The following EPC2 variants were observed in gnomAD, a reference collection of about 807,000 sequenced individuals.
EPC2 encodes enhancer of polycomb 2.
EPC2 carries 14 observed loss-of-function variants against 92.1 expected under a neutral mutation model. That is an observed-to-expected ratio of 0.15 (90% CI 0.10 to 0.24). EPC2 has a LOEUF of 0.24. Ranked by LOEUF, EPC2 falls within the 10% of genes least tolerant of loss-of-function variation. EPC2 has a pLI of 1.00. For synonymous variants in EPC2, 340 were observed against 334.7 expected, an observed-to-expected ratio of 1.02 and a Z score of -0.17; for missense variants, 755 against 971.5, an observed-to-expected ratio of 0.78 and a Z score of 2.96.
At chr2:148,684,463 G>C (rs920210270) in intron 1 of EPC2, among the ~76,000 whole-genome samples, 25 of 152,178 alleles carry the variant, frequency 1.6e-4, no homozygotes, top group Non-Finnish European at 2.6e-4. Flanking sequence ...TTATGTTCTA[G>C]AATTTTTATG....
intron 10 of EPC2, among the ~76,000 whole-genome samples, chr2:148,779,239 G>A (rs1018583329): frequency 6.6e-6 from 1 of 152,096 alleles, no homozygotes; most frequent in Non-Finnish European, 1.5e-5. Flanking sequence ...GCAATATTTT[G>A]TTATCTATGG....
intron 1 of EPC2, among the ~76,000 whole-genome samples, chr2:148,684,491 T>A (rs1681473213): frequency 6.6e-6 from 1 of 152,236 alleles, no homozygotes; most frequent in South Asian, 2.1e-4. Flanking sequence ...GTCAGTTGAT[T>A]TTTGTATAAG....
At chr2:148,783,860 C>G (rs1409988326) in intron 12 of EPC2, 104 bp downstream of exon 12, 11 of 1,098,660 alleles carry the variant, frequency 1.0e-5, no homozygotes, top group Non-Finnish European at 1.4e-5. Flanking sequence ...GTGTATAAGT[C>G]AATCAGGACT....
rs1189476747 is a variant in EPC2 at position 148,762,530 on chromosome 2, G to C, written c.816-140G>C. 1.1e-5 allele frequency: 7 copies of C among 648,826 alleles called. 1 individual carries two copies. In the South Asian group the frequency reaches 1.8e-4, roughly 16 times the overall value. 40.2% of individuals were successfully genotyped at this position (648,826 alleles called of 1,614,324 possible). A position where few individuals can be genotyped will look rare whatever the true frequency, so the allele number is the denominator to read the frequency against. ...ACCAAATCCCTGTTTCTTTATTCCTGCAAATTTTATCTTTTAAAAGTAATT... is the reference window on the plus strand; with the variant it reads ...ACCAAATCCCTGTTTCTTTATTCCTCCAAATTTTATCTTTTAAAAGTAATT... On this transcript the variant is annotated intron_variant, in intron 5 of 13. Transcript: ENST00000258484.
In EPC2 at chr2:148,737,687, TA is replaced by T. The variant is rs201391863; in HGVS notation, c.314-5933del. Among the ~76,000 whole-genome samples, 119 of 151,982 alleles carry T rather than the reference TA, an allele frequency of 7.8e-4. 1 individual carries two copies. The East Asian group carries it at 0.02, about 26-fold the overall frequency. On this transcript the variant is annotated intron_variant, in intron 2 of 13. Coordinates refer to ENST00000258484, the MANE Select transcript of EPC2 (RefSeq NM_015630.4). Reference sequence around the variant, plus strand: ...TAGCTACACTGAATGAGGGAAAGAGTAACTGTTGATTTCAGCTCTCTCAGGG... The same window carrying T: ...TAGCTACACTGAATGAGGGAAAGAGTACTGTTGATTTCAGCTCTCTCAGGG...
chr2:148,764,051 G>A (rs949576834), intron 6 of EPC2, among the ~76,000 whole-genome samples: 1 of 152,130 alleles, frequency 6.6e-6, no homozygotes, highest in African/African-American at 2.4e-5. Flanking sequence ...TAAAATATGG[G>A]AAGTTTCTGA....
intron 1 of EPC2, among the ~76,000 whole-genome samples, chr2:148,687,657 C>A (rs1239346691): frequency 6.6e-6 from 1 of 152,150 alleles, no homozygotes; most frequent in African/African-American, 2.4e-5. Context: ...TGGGGAAAAG[C>A]AGGTATGACT....
chr2:148,649,641 A>T (rs1432949276), intron 1 of EPC2, among the ~76,000 whole-genome samples: 43 of 152,056 alleles, frequency 2.8e-4, no homozygotes, highest in Admixed American at 2.8e-3. Context: ...AGGTATTACC[A>T]TTTCTGTTTT....
Position 148,771,233 on chromosome 2 carries a change from A to G in EPC2, c.1566A>G (p.Ser522=), listed in dbSNP as rs780057245. ...CTGAAATATTAAGCAATATCAGATC[A>G]TGTCGACTACAGTGTTTCCAGCCAA... The part of the protein sequence containing the change: ...SLSEILSNIR[S]CRLQCFQPRL... Residue 522 remains serine, a synonymous_variant, in exon 10 of 14, where the codon TCA becomes TCG. Coordinates refer to ENST00000258484, the MANE Select transcript of EPC2 (RefSeq NM_015630.4). 15 of 1,613,968 alleles carry G rather than the reference A, an allele frequency of 9.3e-6. No individual in the cohort carries two copies. In the East Asian group the frequency reaches 2.9e-4, roughly 31 times the overall value.
chr2:148,758,614 T>C (rs865855070), intron 4 of EPC2, among the ~76,000 whole-genome samples: 2 of 152,150 alleles, frequency 1.3e-5, no homozygotes, highest in African/African-American at 2.4e-5. Flanking sequence ...CAGGCTGGTA[T>C]TGAACTCCTG....
chr2:148,674,967 G>C (rs1046011794), intron 1 of EPC2, among the ~76,000 whole-genome samples: 2 of 152,212 alleles, frequency 1.3e-5, no homozygotes, highest in East Asian at 3.8e-4. Flanking sequence ...TTGGAATATA[G>C]TTTTAAATAT....
chr2:148,676,982 C>A (rs1681279778), intron 1 of EPC2, among the ~76,000 whole-genome samples: 1 of 152,006 alleles, frequency 6.6e-6, no homozygotes, highest in African/African-American at 2.4e-5. Context: ...TTTTAAAAGC[C>A]TAGTAACCTA....
chr2:148,686,699 C>T (rs1214661373), intron 1 of EPC2, among the ~76,000 whole-genome samples: 1 of 152,218 alleles, frequency 6.6e-6, no homozygotes, highest in East Asian at 1.9e-4. Context: ...TAGCATTAAT[C>T]TCCTTGTTCA....
intron 10 of EPC2, among the ~76,000 whole-genome samples, chr2:148,774,624 T>TATATATATATATATATATATA (rs935978031): frequency 6.0e-5 from 8 of 132,606 alleles, no homozygotes; most frequent in East Asian, 2.6e-4. Context: ...AAAATATATT[T>TATATATATATATATATATATA]TATATATATA....
At chr2:148,786,029 A>G (rs1683860643) in intron 13 of EPC2, among the ~76,000 whole-genome samples, 1 of 152,182 alleles carries the variant, frequency 6.6e-6, no homozygotes, top group Non-Finnish European at 1.5e-5. Flanking sequence ...TACATATTTC[A>G]TAAGTAATTT....
intron 4 of EPC2, among the ~76,000 whole-genome samples, chr2:148,756,653 A>G (rs1458337440): frequency 6.6e-6 from 1 of 152,252 alleles, no homozygotes. Context: ...GTCTTAATGC[A>G]CTGATTGGGA....
intron 1 of EPC2, among the ~76,000 whole-genome samples, chr2:148,688,857 T>TA (rs1465020760): frequency 6.6e-6 from 1 of 152,220 alleles, no homozygotes; most frequent in East Asian, 1.9e-4. Flanking sequence ...CCTTGGAACT[T>TA]ACTTTATGCT....
chr2:148,704,038 A>G (rs1430967352), intron 2 of EPC2, among the ~76,000 whole-genome samples: 2 of 152,190 alleles, frequency 1.3e-5, no homozygotes, highest in African/African-American at 2.4e-5. Context: ...TGGTCCAGCA[A>G]TTCCATTTCT....
At chr2:148,784,180 C>G (rs559993684) in intron 12 of EPC2, among the ~76,000 whole-genome samples, 1 of 152,346 alleles carries the variant, frequency 6.6e-6, no homozygotes, top group Admixed American at 6.5e-5. Context: ...CTGGCTCCCG[C>G]TCTTTAGATA....
Sources: allele counts gnomAD v4.1 joint callset (sites outside exome capture counted in the v4.1 genomes callset), GRCh38; gene constraint gnomAD v4.1.1; transcripts MANE v1.5; gene names NCBI Gene and HGNC (gene_info 2026-07-23, HGNC 2026-07-21).